CSGALNACT1: variants seen among roughly 807,000 people sequenced by gnomAD.
The protein encoded by CSGALNACT1 is beta4GalNAcT-1.
CSGALNACT1 carries 52 observed loss-of-function variants against 51.0 expected under a neutral mutation model. The ratio of observed to expected loss-of-function variants is 1.02; its 90% confidence interval spans 0.82 to 1.29. The LOEUF (loss-of-function observed/expected upper bound fraction) is 1.29. CSGALNACT1 is among the 50% of genes most tolerant of loss of function. The pLI is 0.00. For missense variants in CSGALNACT1, 935 were observed against 679.2 expected, an observed-to-expected ratio of 1.38 and a Z score of -4.19; for synonymous variants, 341 against 254.4, an observed-to-expected ratio of 1.34 and a Z score of -3.24.
At chr8:19,420,226 T>G (rs2057693258) in intron 7 of CSGALNACT1, 114 bp downstream of exon 6, 5 of 993,738 alleles carry the variant, frequency 5.0e-6, no homozygotes, top group Non-Finnish European at 8.0e-6. Context: ...GCTATTGAAG[T>G]AAAACAGGCT....
chr8:19,603,279 A>C (rs551050809), upstream of CSGALNACT1, among the ~76,000 whole-genome samples: 4 of 152,302 alleles, frequency 2.6e-5, no homozygotes, highest in African/African-American at 9.6e-5. Context: ...ACTCACTGAC[A>C]TGAACAAAGT....
chr8:19,756,828 C>T (rs10105057), intron 1 of CSGALNACT1, among the ~76,000 whole-genome samples: 116,314 of 152,038 alleles, frequency 0.77, 44,698 homozygotes, highest in Middle Eastern at 0.89. Context: ...TTGCAGAAAG[C>T]AATCAGACAG....
At chr8:19,753,367 G>C (rs956489625) in intron 1 of CSGALNACT1, among the ~76,000 whole-genome samples, 1 of 152,004 alleles carries the variant, frequency 6.6e-6, no homozygotes, top group African/African-American at 2.4e-5. Context: ...AAAAAAACCA[G>C]ATTGTCTTAC....
At chr8:19,406,707 G>A (rs888705089) in intron 9 of CSGALNACT1, among the ~76,000 whole-genome samples, 6 of 149,036 alleles carry the variant, frequency 4.0e-5, no homozygotes, top group Admixed American at 2.0e-4. Flanking sequence ...AGATTCTTGT[G>A]CTTCTGTGAG....
chr8:19,507,031 T>C (rs928065994), intron 3 of CSGALNACT1, among the ~76,000 whole-genome samples: 1 of 152,196 alleles, frequency 6.6e-6, no homozygotes, highest in African/African-American at 2.4e-5. Context: ...AGGATCGACA[T>C]GGTTCTGAGC....
rs537454456 is a variant in CSGALNACT1 at position 19,608,032 on chromosome 8, A to C, written c.-543-6167T>G. 7.2e-5 allele frequency among the ~76,000 whole-genome samples: 11 copies of C among 152,390 alleles called. No individual in the cohort carries two copies. In the South Asian group the frequency reaches 2.3e-3, roughly 32 times the overall value. ...TAGACTTCCAGAGTATAAAGATTTCAGCAGGCTAACTGATGAAGAGTAGTT... is the reference window on the plus strand; with the variant it reads ...TAGACTTCCAGAGTATAAAGATTTCCGCAGGCTAACTGATGAAGAGTAGTT... On this transcript the variant is annotated intron_variant, in intron 1 of 9. Transcript: ENST00000332246.
intron 4 of CSGALNACT1, among the ~76,000 whole-genome samples, chr8:19,473,489 C>T (rs895831227): frequency 6.6e-6 from 1 of 152,176 alleles, no homozygotes; most frequent in African/African-American, 2.4e-5. Context: ...TTCCAGACAG[C>T]CTTCTGTGGT....
intron 3 of CSGALNACT1, among the ~76,000 whole-genome samples, chr8:19,511,085 C>G (rs1477759941): frequency 6.6e-6 from 1 of 152,260 alleles, no homozygotes; most frequent in Non-Finnish European, 1.5e-5. Flanking sequence ...TGATGACACG[C>G]TGTCAGGGTC....
chr8:19,444,840 A>G (rs1183176045), intron 5 of CSGALNACT1, among the ~76,000 whole-genome samples: 1 of 152,184 alleles, frequency 6.6e-6, no homozygotes, highest in African/African-American at 2.4e-5. Context: ...AGGTACAGCA[A>G]ATGCTGTGGG....
At chr8:19,508,541 T>G (rs909074566) in intron 3 of CSGALNACT1, among the ~76,000 whole-genome samples, 1 of 152,238 alleles carries the variant, frequency 6.6e-6, no homozygotes, top group Non-Finnish European at 1.5e-5. Context: ...CAGCTCAGCT[T>G]TGGTGTTCAG....
intron 1 of CSGALNACT1, among the ~76,000 whole-genome samples, chr8:19,657,164 G>A (rs1023367651): frequency 6.0e-5 from 9 of 150,746 alleles, no homozygotes; most frequent in African/African-American, 2.2e-4. Context: ...CAGCTGAAGA[G>A]ACAATTTGTG....
upstream of CSGALNACT1, among the ~76,000 whole-genome samples, chr8:19,684,439 A>G (rs1269912344): frequency 6.6e-6 from 1 of 152,192 alleles, no homozygotes; most frequent in African/African-American, 2.4e-5. Context: ...AGATTATGAG[A>G]ATAAAATATC....
At chr8:19,638,565 A>G (rs1036234701) in intron 1 of CSGALNACT1, among the ~76,000 whole-genome samples, 1 of 152,242 alleles carries the variant, frequency 6.6e-6, no homozygotes, top group African/African-American at 2.4e-5. Flanking sequence ...GGCTAACAAT[A>G]AGGGGCAAAG....
chr8:19,587,178 G>T (rs35590769), intron 3 of CSGALNACT1, among the ~76,000 whole-genome samples: 21,510 of 152,160 alleles, frequency 0.14, 1,823 homozygotes, highest in African/African-American at 0.24. Flanking sequence ...GATCTCCTGG[G>T]ATGCTTTTCA....
rs2065482004 is a variant in CSGALNACT1 at position 19,757,680 on chromosome 8, G to T, written c.-297+170C>A. ...GGGGTCCTTACTCTTGCAGGACAGA[G>T]TTCCCCATCCCCCTGCTCCACCCGC... On this transcript the variant is annotated intron_variant, in intron 1 of 1. Transcript: ENST00000517494. The surrounding 1 kb of genome is among the most constrained non-coding windows in gnomAD (Gnocchi z 4.0). Among the ~76,000 whole-genome samples, 1 of 152,152 alleles carries T rather than the reference G, an allele frequency of 6.6e-6. No individual in the cohort carries two copies. The highest frequency in any genetic ancestry group is 1.5e-5 in the Non-Finnish European group (1 of 68,024).
intron 3 of CSGALNACT1, among the ~76,000 whole-genome samples, chr8:19,521,343 G>A (rs1255900586): frequency 6.6e-6 from 1 of 152,108 alleles, no homozygotes; most frequent in Non-Finnish European, 1.5e-5. Flanking sequence ...AAAGACAGAG[G>A]AAGTACACCA....
rs749246315 is a variant in CSGALNACT1 at position 19,406,074 on chromosome 8, C to T, written c.1310-5G>A. The T allele has an allele frequency of 1.8e-5, 29 of 1,613,974 alleles. No homozygotes were observed. The highest frequency in any genetic ancestry group is 1.2e-4 in the Admixed American group (7 of 60,000). ...TGATGTCCAGATCAAACCCACCTGT[C>T]GGGACAGAACACACTGTTGAATCAC... On this transcript the variant is annotated splice_polypyrimidine_tract_variant and splice_region_variant and intron_variant, in intron 9 of 9. Transcript: ENST00000454498.
intron 1 of CSGALNACT1, among the ~76,000 whole-genome samples, chr8:19,666,871 AAGAAAGAAAGAAAGAG>A (rs2059284432): frequency 7.6e-6 from 1 of 130,734 alleles, no homozygotes; most frequent in Non-Finnish European, 1.6e-5. Context: ...GAAAGAAAGA[AAGAAAGAAAGAAAGAG>A]AGAGAGGAAG....
intron 1 of CSGALNACT1, among the ~76,000 whole-genome samples, chr8:19,718,406 GCTTT>G (rs2062935181): frequency 6.6e-6 from 1 of 152,096 alleles, no homozygotes; most frequent in African/African-American, 2.4e-5. Flanking sequence ...CTGGCCACAG[GCTTT>G]CTATTTCTCC....
Sources: allele counts gnomAD v4.1 joint callset (sites outside exome capture counted in the v4.1 genomes callset), GRCh38; gene constraint gnomAD v4.1.1; non-coding constraint Gnocchi (gnomAD v3.1); transcripts MANE v1.5; gene names NCBI Gene and HGNC (gene_info 2026-07-23, HGNC 2026-07-21).